Variants in OSBPL8 observed in about 807,000 individuals in gnomAD.
The protein encoded by OSBPL8 is oxysterol-binding protein-related protein 8.
OSBPL8 carries 59 observed loss-of-function variants against 125.5 expected under a neutral mutation model. The ratio of observed to expected loss-of-function variants is 0.47; its 90% confidence interval spans 0.38 to 0.58. OSBPL8 has a LOEUF of 0.58. Ranked by LOEUF, OSBPL8 falls within the 20% of genes least tolerant of loss-of-function variation. The pLI, the probability that OSBPL8 is intolerant of heterozygous loss-of-function variation, is 0.00. For synonymous variants in OSBPL8, 330 were observed against 338.9 expected, an observed-to-expected ratio of 0.97 and a Z score of 0.29; for missense variants, 758 against 1,047.8, an observed-to-expected ratio of 0.72 and a Z score of 3.82.
chr12:76,465,745 C>T (rs1469813691), intron 2 of OSBPL8, among the ~76,000 whole-genome samples: 2 of 152,066 alleles, frequency 1.3e-5, no homozygotes, highest in South Asian at 2.1e-4. Flanking sequence ...GTGGCTCACA[C>T]CTGTAATCCC....
Position 76,392,747 on chromosome 12 carries a change from A to G in OSBPL8, c.763T>C (p.Cys255Arg). Residue 255 changes from cysteine to arginine, a missense_variant, in exon 10 of 24, where the codon TGC becomes CGC. By Grantham distance (180) the Cys-to-Arg change is radical. Coordinates refer to ENST00000261183, the MANE Select transcript of OSBPL8 (RefSeq NM_020841.5). The part of the protein sequence containing the change: ...IRATSESDGR[C>R]WMDALELALK... ...GCCAACTCCAAAGCATCCATCCAGC[A>G]CCTTCCTAAAAGAACACAGATTCAT... 6.2e-7 allele frequency: 1 copy of G among 1,606,172 alleles called. No individual in the cohort carries two copies. The highest frequency in any genetic ancestry group is 1.7e-5 in the Admixed American group (1 of 59,702).
chr12:76,408,768 G>A (rs958305163), intron 5 of OSBPL8, among the ~76,000 whole-genome samples: 3 of 152,088 alleles, frequency 2.0e-5, no homozygotes, highest in African/African-American at 7.2e-5. Context: ...CCAAAGCATA[G>A]TTCTAAAGCT....
At chr12:76,473,143 C>A (rs1876382693) in intron 2 of OSBPL8, among the ~76,000 whole-genome samples, 1 of 152,162 alleles carries the variant, frequency 6.6e-6, no homozygotes. Context: ...GTCCCCTCAG[C>A]TCCTATCTCT....
At chr12:76,357,039 G>C (rs1042771725) in intron 22 of OSBPL8, among the ~76,000 whole-genome samples, 4 of 152,020 alleles carry the variant, frequency 2.6e-5, no homozygotes, top group Non-Finnish European at 5.9e-5. Flanking sequence ...TCTGTTCCTT[G>C]CCCATTTGCC....
intron 2 of OSBPL8, among the ~76,000 whole-genome samples, chr12:76,470,519 T>C (rs1274197915): frequency 6.6e-6 from 1 of 152,236 alleles, no homozygotes; most frequent in African/African-American, 2.4e-5. Flanking sequence ...AAAAGCATCT[T>C]ACTTGAAATT....
At chr12:76,546,184 AAT>A (rs1410137848) in intron 1 of OSBPL8, among the ~76,000 whole-genome samples, 1 of 152,202 alleles carries the variant, frequency 6.6e-6, no homozygotes, top group Non-Finnish European at 1.5e-5. Flanking sequence ...GCATAATCAA[AAT>A]GTCAAGGAAA....
chr12:76,446,735 G>C (rs1411205615), intron 4 of OSBPL8, among the ~76,000 whole-genome samples: 2 of 151,918 alleles, frequency 1.3e-5, no homozygotes, highest in Non-Finnish European at 2.9e-5. Context: ...CATCTACCAG[G>C]TGCTAGGCTT....
Position 76,358,719 on chromosome 12 carries a change from G to A in OSBPL8, c.2421C>T (p.Ser807=). 2 of 1,610,566 alleles carry A rather than the reference G, an allele frequency of 1.2e-6. No homozygotes were observed. Among genetic ancestry groups the A allele is most frequent in the South Asian group, 1.1e-5 (1 of 91,008 alleles). The part of the protein sequence containing the change: ...YSSPEPDIQD[S]SGSEAQSVKP... ...AAATATTTTTACCTTCACTTCCAGAGGAGTCTTGAATGTCAGGTTCTGGGG... is the reference window on the plus strand; with the variant it reads ...AAATATTTTTACCTTCACTTCCAGAAGAGTCTTGAATGTCAGGTTCTGGGG... Residue 807 remains serine, a synonymous_variant, in exon 22 of 24, where the codon TCC becomes TCT. Coordinates refer to ENST00000261183, the MANE Select transcript of OSBPL8 (RefSeq NM_020841.5).
chr12:76,512,047 G>A (rs373325539), intron 1 of OSBPL8, among the ~76,000 whole-genome samples: 5 of 152,106 alleles, frequency 3.3e-5, no homozygotes, highest in East Asian at 3.8e-4. Flanking sequence ...ATGGGGGTTC[G>A]TTGAACATAT....
chr12:76,400,475 C>T (rs1954007110), intron 6 of OSBPL8, among the ~76,000 whole-genome samples: 1 of 152,106 alleles, frequency 6.6e-6, no homozygotes, highest in Non-Finnish European at 1.5e-5. Context: ...ATGCATGTGT[C>T]TTTATAACAG....
chr12:76,401,493 T>TTTAC lies in OSBPL8; in HGVS notation c.366+1195_366+1196insGTAA, dbSNP rs1281536100. On this transcript the variant is annotated intron_variant, in intron 6 of 23. Transcript: ENST00000261183. ...TAATCCTCACAACAACCTTGTGAAG[T>TTTAC]AGAAGTATTATTATCCTTATTTTAC... Among the ~76,000 whole-genome samples, 11 of 152,186 alleles carry TTTAC rather than the reference T, an allele frequency of 7.2e-5. No homozygotes were observed. The East Asian group carries it at 2.1e-3, about 29-fold the overall frequency.
chr12:76,491,915 T>C (rs1341424739), intron 1 of OSBPL8, among the ~76,000 whole-genome samples: 1 of 152,186 alleles, frequency 6.6e-6, no homozygotes, highest in African/African-American at 2.4e-5. Context: ...AATATTTTAC[T>C]GATTTTTTTC....
chr12:76,406,129 T>C (rs1240915946), intron 5 of OSBPL8, among the ~76,000 whole-genome samples: 2 of 152,224 alleles, frequency 1.3e-5, no homozygotes, highest in Non-Finnish European at 2.9e-5. Flanking sequence ...TTTATGACTA[T>C]ATTTCAGATT....
At chr12:76,558,498 G>A (rs1350738768) in intron 1 of OSBPL8, among the ~76,000 whole-genome samples, 2 of 152,138 alleles carry the variant, frequency 1.3e-5, no homozygotes, top group Non-Finnish European at 2.9e-5. Flanking sequence ...CTACTCAGAC[G>A]TCATTTAAGT....
intron 4 of OSBPL8, among the ~76,000 whole-genome samples, chr12:76,440,535 A>G (rs1872065043): frequency 6.6e-6 from 1 of 152,142 alleles, no homozygotes; most frequent in African/African-American, 2.4e-5. Flanking sequence ...GTTTTAAACT[A>G]AACTGAAGGG....
chr12:76,482,404 G>A (rs561417081), intron 2 of OSBPL8, among the ~76,000 whole-genome samples: 8 of 152,088 alleles, frequency 5.3e-5, no homozygotes, highest in Admixed American at 3.9e-4. Flanking sequence ...ACTTGAGGTC[G>A]GGAGTTCGAG....
intron 6 of OSBPL8, among the ~76,000 whole-genome samples, chr12:76,402,057 T>C (rs1300669411): frequency 6.6e-6 from 1 of 152,186 alleles, no homozygotes; most frequent in African/African-American, 2.4e-5. Flanking sequence ...CTCAAAACTT[T>C]AGATTTTGGT....
intron 1 of OSBPL8, among the ~76,000 whole-genome samples, chr12:76,557,661 A>G (rs1951148863): frequency 6.6e-6 from 1 of 152,074 alleles, no homozygotes; most frequent in African/African-American, 2.4e-5. Flanking sequence ...TTACAAATTC[A>G]TAATTTCATC....
intron 2 of OSBPL8, among the ~76,000 whole-genome samples, chr12:76,486,700 C>T (rs534148582): frequency 9.2e-5 from 14 of 152,088 alleles, no homozygotes; most frequent in Non-Finnish European, 2.1e-4. Context: ...CAATTATGAT[C>T]ACAGGGTAGA....
Sources: allele counts gnomAD v4.1 joint callset (sites outside exome capture counted in the v4.1 genomes callset), GRCh38; gene constraint gnomAD v4.1.1; transcripts MANE v1.5; gene names NCBI Gene and HGNC (gene_info 2026-07-23, HGNC 2026-07-21).